The following TTC6 variants were observed in gnomAD, a reference collection of about 807,000 sequenced individuals.
TTC6 encodes the protein tetratricopeptide repeat domain 6, also known as tetratricopeptide repeat protein 6.
A neutral mutation model predicts 210.4 loss-of-function variants in TTC6; 172 were observed. The ratio of observed to expected loss-of-function variants is 0.82; its 90% CI spans 0.72 to 0.93. The LOEUF is 0.93. TTC6 is among the 40% of genes least tolerant of loss of function. TTC6 has a pLI of 0.00. For missense variants in TTC6, 2,414 were observed against 2,318.1 expected, an observed-to-expected ratio of 1.04 and a Z score of -0.85; for synonymous variants, 804 against 819.6, an observed-to-expected ratio of 0.98 and a Z score of 0.32.
intron 14 of TTC6, among the ~76,000 whole-genome samples, chr14:37,779,971 A>G (rs539740944): frequency 2.0e-5 from 3 of 152,322 alleles, no homozygotes; most frequent in Non-Finnish European, 2.9e-5. Flanking sequence ...GGAATAGAGT[A>G]AAATAAGAGC....
intron 17 of TTC6, among the ~76,000 whole-genome samples, chr14:37,793,197 A>G (rs184607140): frequency 5.3e-5 from 8 of 152,266 alleles, no homozygotes; most frequent in South Asian, 4.1e-4. Context: ...AAGCCCTTCA[A>G]TAGCTTCGCT....
exon 29 of TTC6, chr14:37,827,358 T>G (rs1469728353): frequency 6.2e-7 from 1 of 1,611,956 alleles, no homozygotes; most frequent in Non-Finnish European, 8.5e-7. Context: ...CCACAGGCAG[T>G]TTTCCCAGGT....
chr14:37,701,429 T>C (rs1196119109), exon 5 of TTC6: 1 of 1,533,440 alleles, frequency 6.5e-7, no homozygotes, highest in South Asian at 1.2e-5. Context: ...TTCTCGAGTG[T>C]ATCACACTGC....
At chr14:37,679,767 T>A (rs2095779021) in intron 1 of TTC6, among the ~76,000 whole-genome samples, 1 of 152,122 alleles carries the variant, frequency 6.6e-6, no homozygotes, top group African/African-American at 2.4e-5. Flanking sequence ...CTCAGCTCAC[T>A]GCAACCTCTT....
At chr14:37,796,855 A>G (rs990887410) in exon 20 of TTC6, 2 of 1,611,440 alleles carry the variant, frequency 1.2e-6, no homozygotes, top group Non-Finnish European at 1.7e-6. Flanking sequence ...TGACAAGGCC[A>G]TTGAGGTCTT....
intron 3 of TTC6, among the ~76,000 whole-genome samples, chr14:37,686,498 T>C (rs1351506388): frequency 6.6e-6 from 1 of 152,210 alleles, no homozygotes; most frequent in African/African-American, 2.4e-5. Flanking sequence ...CTGTGTCCAA[T>C]TCAATAAATT....
At chr14:37,684,397 G>A (rs2095790066) in intron 3 of TTC6, among the ~76,000 whole-genome samples, 1 of 152,072 alleles carries the variant, frequency 6.6e-6, no homozygotes. Flanking sequence ...CTGCTTCCAG[G>A]GACAAGGGTC....
At position 37,609,173 on chromosome 14, in the gene TTC6, C is replaced by T. The variant is rs537179855; in HGVS notation, c.-155+2431C>T. 8.2e-4 allele frequency among the ~76,000 whole-genome samples: 125 copies of T among 152,208 alleles called. 2 individuals are homozygous for T. In the Middle Eastern group the frequency reaches 0.048, roughly 58 times the overall value. Reference sequence around the variant, plus strand: ...GTGGCTTGTGCATGTAACCCAGGCACTTTGGGAGGCAGAGGTGAGAGGATT... The same window carrying T: ...GTGGCTTGTGCATGTAACCCAGGCATTTTGGGAGGCAGAGGTGAGAGGATT... On this transcript the variant is annotated intron_variant, in intron 2 of 2. Transcript: ENST00000556845.
intron 8 of TTC6, among the ~76,000 whole-genome samples, chr14:37,737,136 T>C (rs1387842200): frequency 6.6e-6 from 1 of 152,184 alleles, no homozygotes; most frequent in East Asian, 1.9e-4. Flanking sequence ...TACTTTGCAC[T>C]CTAGTTTAGT....
chr14:37,759,748 T>C (rs2095978480), intron 14 of TTC6, among the ~76,000 whole-genome samples: 1 of 152,220 alleles, frequency 6.6e-6, no homozygotes, highest in Admixed American at 6.5e-5. Context: ...CTTCAGTAAG[T>C]TTATCTTCAA....
chr14:37,805,416 G>GACAC (rs60931072), intron 21 of TTC6, among the ~76,000 whole-genome samples: 13,426 of 146,364 alleles, frequency 0.092, 651 homozygotes, highest in African/African-American at 0.12. Flanking sequence ...TCTATCTCAA[G>GACAC]ACACACACAC....
chr14:37,707,527 G>C (rs12894394), intron 5 of TTC6, among the ~76,000 whole-genome samples: 8,717 of 152,000 alleles, frequency 0.057, 386 homozygotes, highest in Non-Finnish European at 0.089. Context: ...TTCATTGTGA[G>C]ACTGCTATGG....
At chr14:37,693,166 A>G (rs376426061) in intron 3 of TTC6, among the ~76,000 whole-genome samples, 5 of 152,092 alleles carry the variant, frequency 3.3e-5, no homozygotes, top group Non-Finnish European at 7.3e-5. Context: ...TCCACAAAAA[A>G]CTATGAGAAC....
chr14:37,622,385 G>A (rs1372620784), exon 1 of TTC6: 3 of 1,531,616 alleles, frequency 2.0e-6, no homozygotes, highest in Non-Finnish European at 2.6e-6. Flanking sequence ...GTGAGGCGGC[G>A]GCTCCAGGCA....
chr14:37,637,866 A>C (rs2139370606), intron 1 of TTC6, among the ~76,000 whole-genome samples: 1 of 152,362 alleles, frequency 6.6e-6, no homozygotes, highest in South Asian at 2.1e-4. Context: ...ATGCTGGATT[A>C]CTCATACGTT....
rs576838590 is a variant in TTC6, at chr14:37,662,210, A to C, written c.940-17941A>C. ...CTATGTTAAATAGGAGTGGTGAGAG[A>C]GGGCATCCTTGTCTTGTGCCAGTTT... On this transcript the variant is annotated intron_variant, in intron 1 of 30. Transcript: ENST00000553443. Among the ~76,000 whole-genome samples, 3 of 152,292 alleles carry C rather than the reference A, an allele frequency of 2.0e-5. No individual in the cohort carries two copies. The South Asian group carries it at 6.2e-4, about 32-fold the overall frequency.
At chr14:37,657,212 C>CAAAAAAA (rs61052302) in intron 1 of TTC6, among the ~76,000 whole-genome samples, 24 of 35,650 alleles carry the variant, frequency 6.7e-4, no homozygotes, top group Non-Finnish European at 9.1e-4. Context: ...AACTCTGTCT[C>CAAAAAAA]AAAAAAAAAA....
intron 7 of TTC6, among the ~76,000 whole-genome samples, chr14:37,727,884 G>C (rs1357574696): frequency 6.6e-6 from 1 of 151,912 alleles, no homozygotes; most frequent in East Asian, 1.9e-4. Context: ...CAGTTTCTTG[G>C]AATTTATGGA....
intron 14 of TTC6, among the ~76,000 whole-genome samples, chr14:37,766,372 C>T (rs945476601): frequency 2.0e-5 from 3 of 152,196 alleles, no homozygotes; most frequent in African/African-American, 7.2e-5. Flanking sequence ...TCTCTCCACT[C>T]TCAAGTAGAA....
Sources: allele counts gnomAD v4.1 joint callset (sites outside exome capture counted in the v4.1 genomes callset), GRCh38; gene constraint gnomAD v4.1.1; transcripts MANE v1.5; gene names NCBI Gene and HGNC (gene_info 2026-07-23, HGNC 2026-07-21).